Variants in RAD51B observed in about 807,000 individuals in gnomAD.
The protein encoded by RAD51B is DNA repair protein RAD51 homolog 2.
A neutral mutation model predicts 42.2 loss-of-function variants in RAD51B; 38 were observed. That is an observed-to-expected ratio of 0.90 (90% CI 0.70 to 1.18). The LOEUF (loss-of-function observed/expected upper bound fraction) is 1.18, where lower values mean the gene tolerates loss of function less well. Ranked by LOEUF, RAD51B falls within the 50% of genes most tolerant of loss-of-function variation. The pLI is 0.00. For synonymous variants in RAD51B, 154 were observed against 145.2 expected (o/e 1.06, Z -0.43); for missense variants, 373 against 400.7 (o/e 0.93, Z 0.59).
chr14:68,396,713 A>G (rs1040120047), intron 8 of RAD51B, among the ~76,000 whole-genome samples: 5 of 152,342 alleles, frequency 3.3e-5, no homozygotes, highest in Non-Finnish European at 1.5e-5. Context: ...TCCCAACAAT[A>G]GGGAGAGAAC....
chr14:68,187,237 A>G (rs1184066335), intron 7 of RAD51B, among the ~76,000 whole-genome samples: 1 of 152,204 alleles, frequency 6.6e-6, no homozygotes, highest in Admixed American at 6.5e-5. Context: ...AGAAGGGTTG[A>G]AAAACTAACT....
At chr14:67,907,517 G>T (rs753544345) in intron 7 of RAD51B, among the ~76,000 whole-genome samples, 16 of 152,074 alleles carry the variant, frequency 1.1e-4, no homozygotes, top group Non-Finnish European at 2.1e-4. Context: ...AAAGACTGAG[G>T]CTGGAGTCAT....
chr14:68,264,752 G>T lies in RAD51B; in HGVS notation c.757-27132G>T, dbSNP rs551338278. 3.3e-5 allele frequency among the ~76,000 whole-genome samples: 5 copies of T among 152,306 alleles called. No homozygotes were observed. In the East Asian group the frequency reaches 9.6e-4, roughly 29 times the overall value. ...AGGAGGATTAGAGCATGCTGAATGA[G>T]ATGTCAGAAGCTTTTAGGATCCAAG... On this transcript the variant is annotated intron_variant, in intron 7 of 10. Coordinates refer to ENST00000471583, the MANE Select transcript of RAD51B (RefSeq NM_133510.4).
At chr14:68,023,938 A>G (rs1486822418) in intron 7 of RAD51B, among the ~76,000 whole-genome samples, 1 of 152,150 alleles carries the variant, frequency 6.6e-6, no homozygotes, top group Non-Finnish European at 1.5e-5. Context: ...ATATCAAGAA[A>G]GTTATTTTCT....
At chr14:67,868,726 C>G (rs1436889540) in intron 5 of RAD51B, among the ~76,000 whole-genome samples, 1 of 151,018 alleles carries the variant, frequency 6.6e-6, no homozygotes, top group South Asian at 2.1e-4. Flanking sequence ...TCCCAGCACG[C>G]AGCTGGAGAT....
intron 11 of RAD51B, among the ~76,000 whole-genome samples, chr14:68,659,961 A>G (rs1293929608): frequency 6.6e-6 from 1 of 152,266 alleles, no homozygotes; most frequent in African/African-American, 2.4e-5. Context: ...CAGTGGGTCA[A>G]GAAATAAACC....
At chr14:68,610,959 T>A (rs1566954595) in intron 10 of RAD51B, 4 of 692,858 alleles carry the variant, frequency 5.8e-6, no homozygotes, top group Non-Finnish European at 7.9e-6. Context: ...ACATCTTTAA[T>A]AAAAGTTTGT....
At chr14:68,558,625 G>A (rs1466713838) in intron 10 of RAD51B, among the ~76,000 whole-genome samples, 1 of 152,120 alleles carries the variant, frequency 6.6e-6, no homozygotes, top group African/African-American at 2.4e-5. Flanking sequence ...CCTTCCCTAT[G>A]CATCTGTGTC....
chr14:68,068,743 A>G (rs1449728983), intron 7 of RAD51B, among the ~76,000 whole-genome samples: 5 of 152,334 alleles, frequency 3.3e-5, no homozygotes, highest in South Asian at 2.1e-4. Flanking sequence ...GCAATGCATG[A>G]AGATTCCGAT....
At chr14:68,640,748 G>T (rs1892444101) in intron 10 of RAD51B, among the ~76,000 whole-genome samples, 1 of 152,216 alleles carries the variant, frequency 6.6e-6, no homozygotes, top group African/African-American at 2.4e-5. Context: ...AAATATCAAA[G>T]AAGCAGCAAT....
intron 7 of RAD51B, among the ~76,000 whole-genome samples, chr14:67,985,334 A>G (rs2075165466): frequency 6.6e-6 from 1 of 152,190 alleles, no homozygotes; most frequent in Non-Finnish European, 1.5e-5. Flanking sequence ...AAGAACAAAG[A>G]CATTCCATTA....
In RAD51B at chr14:68,365,719, G is replaced by C. The variant is rs189301096; in HGVS notation, c.854-45705G>C. Among the ~76,000 whole-genome samples the C allele has an allele frequency of 2.3e-3, 344 of 152,246 alleles. 2 individuals are homozygous for C. The highest frequency in any genetic ancestry group is 7.9e-3 in the African/African-American group (329 of 41,550). On this transcript the variant is annotated intron_variant, in intron 8 of 10. Transcript: ENST00000471583. ...CAGTATGTATCAGAAAAATTCATCT[G>C]TATAAACTGTATGGCAGTCTAAATT... is the stretch of plus-strand genomic sequence containing the variant.
At chr14:68,581,388 G>A (rs1056822722) in intron 10 of RAD51B, among the ~76,000 whole-genome samples, 1 of 152,136 alleles carries the variant, frequency 6.6e-6, no homozygotes, top group Non-Finnish European at 1.5e-5. Flanking sequence ...ACTGAAGGTG[G>A]GCTAGGCTCA....
chr14:68,298,093 G>A (rs752934209), intron 8 of RAD51B, among the ~76,000 whole-genome samples: 2 of 152,208 alleles, frequency 1.3e-5, no homozygotes, highest in Non-Finnish European at 2.9e-5. Flanking sequence ...TCTTCCAGCA[G>A]CTGTTCAGAT....
intron 7 of RAD51B, among the ~76,000 whole-genome samples, chr14:68,196,416 A>G (rs1330521697): frequency 1.3e-5 from 2 of 152,036 alleles, no homozygotes; most frequent in Non-Finnish European, 2.9e-5. Context: ...TGTATGGCCT[A>G]CAAAGTCCTG....
Position 68,265,949 on chromosome 14 carries a change from G to A in RAD51B, c.757-25935G>A, listed in dbSNP as rs188342262. On this transcript the variant is annotated intron_variant, in intron 7 of 10. Coordinates refer to ENST00000471583, the MANE Select transcript of RAD51B (RefSeq NM_133510.4). ...TTATAAATGTAGCAGCATTGGAAAT[G>A]GACATTTAATAAGGTGTAGCACTAC... Among the ~76,000 whole-genome samples the A allele has an allele frequency of 6.6e-5, 10 of 152,224 alleles. No individual in the cohort carries two copies. The East Asian group carries it at 1.9e-3, about 29-fold the overall frequency.
At chr14:68,246,703 G>A (rs1338516389) in intron 7 of RAD51B, among the ~76,000 whole-genome samples, 3 of 152,178 alleles carry the variant, frequency 2.0e-5, no homozygotes, top group Non-Finnish European at 4.4e-5. Context: ...CCTGAGTAAT[G>A]TTGACATTTC....
At chr14:68,183,439 C>T (rs1223764975) in intron 7 of RAD51B, among the ~76,000 whole-genome samples, 1 of 152,134 alleles carries the variant, frequency 6.6e-6, no homozygotes, top group East Asian at 1.9e-4. Context: ...TAGATGGTGC[C>T]CACCAAGATT....
intron 11 of RAD51B, chr14:68,682,798 TGG>T (rs1372141163): frequency 6.8e-6 from 2 of 296,288 alleles, no homozygotes; most frequent in African/African-American, 4.8e-5. Flanking sequence ...AAAGAAAAAG[TGG>T]GGAGAGGGCG....
Sources: gnomAD v4.1 joint callset for allele counts (sites outside exome capture counted in the v4.1 genomes callset) on GRCh38, gnomAD v4.1.1 for gene constraint, MANE v1.5 for transcripts, NCBI Gene and HGNC (gene_info 2026-07-23, HGNC 2026-07-21) for gene names.